CFAP96: variants seen among roughly 807,000 people sequenced by gnomAD.
CFAP96 encodes the protein cilia and flagella associated protein 96, also known as cilia-and flagella-associated protein 96.
the CFAP96 span, among the ~76,000 whole-genome samples, chr4:185,448,623 G>T: frequency 6.6e-6 from 1 of 152,148 alleles, no homozygotes; most frequent in African/African-American, 2.4e-5. Context: ...GGGCTAGTTG[G>T]TAAAGTTGGT....
chr4:185,443,342 A>ATATATATTTTTTTTTTTTT, the CFAP96 span, among the ~76,000 whole-genome samples: 3 of 26,726 alleles, frequency 1.1e-4, no homozygotes, highest in East Asian at 1.5e-3. Flanking sequence ...ATATATATAT[A>ATATATATTTTTTTTTTTTT]TTTTTTTTTT....
chr4:185,439,924 G>C, the CFAP96 span, among the ~76,000 whole-genome samples: 2 of 142,176 alleles, frequency 1.4e-5, no homozygotes, highest in African/African-American at 2.6e-5. Context: ...TCATATATAT[G>C]ATATATATAC....
the CFAP96 span, among the ~76,000 whole-genome samples, chr4:185,425,041 T>A: frequency 1.3e-5 from 2 of 152,208 alleles, no homozygotes; most frequent in African/African-American, 4.8e-5. Flanking sequence ...CTTAGGTGAC[T>A]ACCCCAGATG....
the CFAP96 span, among the ~76,000 whole-genome samples, chr4:185,419,110 A>C: frequency 3.9e-5 from 6 of 152,016 alleles, no homozygotes; most frequent in African/African-American, 1.2e-4. Flanking sequence ...TCTAATTGAA[A>C]ATTTTCTGAT....
At chr4:185,438,529 T>C in the CFAP96 span, among the ~76,000 whole-genome samples, 1 of 152,184 alleles carries the variant, frequency 6.6e-6, no homozygotes, top group East Asian at 1.9e-4. Context: ...AACATCTATA[T>C]TAGTTCTTGG....
chr4:185,417,198 T>C, the CFAP96 span, among the ~76,000 whole-genome samples: 1 of 152,192 alleles, frequency 6.6e-6, no homozygotes, highest in Non-Finnish European at 1.5e-5. Context: ...CAATAGTGCA[T>C]GACCTAACTC....
the CFAP96 span, among the ~76,000 whole-genome samples, chr4:185,433,310 T>C: frequency 6.8e-6 from 1 of 146,856 alleles, no homozygotes; most frequent in Non-Finnish European, 1.5e-5. Flanking sequence ...CAGGAGAATC[T>C]CGCTTTAACT....
chr4:185,434,462 C>T, the CFAP96 span, among the ~76,000 whole-genome samples: 1,407 of 151,980 alleles, frequency 9.3e-3, 21 homozygotes, highest in African/African-American at 0.032. Context: ...TTTCTCCTGC[C>T]TGTGATAAAC....
At chr4:185,428,353 C>A in the CFAP96 span, among the ~76,000 whole-genome samples, 1 of 151,976 alleles carries the variant, frequency 6.6e-6, no homozygotes, top group African/African-American at 2.4e-5. Context: ...GTGGGTGGAT[C>A]ACTTGAGGCC....
At chr4:185,441,514 A>C in the CFAP96 span, among the ~76,000 whole-genome samples, 1 of 152,020 alleles carries the variant, frequency 6.6e-6, no homozygotes, top group South Asian at 2.1e-4. Context: ...GATTGGATGT[A>C]GTCAGATTTA....
the CFAP96 span, among the ~76,000 whole-genome samples, chr4:185,417,661 G>A: frequency 2.0e-5 from 3 of 152,056 alleles, no homozygotes; most frequent in Non-Finnish European, 2.9e-5. Context: ...ATACAACTTC[G>A]TGCCTTGAAG....
chr4:185,443,917 CTTTCTTTTTTTTTTTTTT>C, the CFAP96 span, among the ~76,000 whole-genome samples: 6 of 99,656 alleles, frequency 6.0e-5, no homozygotes, highest in South Asian at 3.2e-4. Flanking sequence ...ATAACTATAT[CTTTCTTTTTTTTTTTTTT>C]TTTTTTTTTT....
chr4:185,437,243 C>A, the CFAP96 span, among the ~76,000 whole-genome samples: 2 of 152,162 alleles, frequency 1.3e-5, no homozygotes, highest in South Asian at 4.1e-4. Context: ...AATGTGCTAG[C>A]ATATGCCTCT....
chr4:185,448,227 G>C, the CFAP96 span, among the ~76,000 whole-genome samples: 232 of 152,162 alleles, frequency 1.5e-3, 1 homozygote, highest in African/African-American at 5.4e-3. Flanking sequence ...TGCCGTGTTG[G>C]TCAGGCTGGT....
chr4:185,434,021 C>A, the CFAP96 span, among the ~76,000 whole-genome samples: 1 of 152,122 alleles, frequency 6.6e-6, no homozygotes, highest in East Asian at 1.9e-4. Flanking sequence ...GAGTTTGTGA[C>A]CAGTCTGGAC....
the CFAP96 span, among the ~76,000 whole-genome samples, chr4:185,429,670 T>C: frequency 6.6e-6 from 1 of 152,212 alleles, no homozygotes; most frequent in Non-Finnish European, 1.5e-5. Context: ...AGTTAAGCGA[T>C]ATCATTTATT....
At chr4:185,440,040 A>C in the CFAP96 span, among the ~76,000 whole-genome samples, 1 of 149,080 alleles carries the variant, frequency 6.7e-6, no homozygotes, top group African/African-American at 2.5e-5. Flanking sequence ...TAATTTTTTT[A>C]ATTATAAAAA....
the CFAP96 span, chr4:185,436,299 C>T: frequency 6.4e-6 from 10 of 1,550,792 alleles, no homozygotes; most frequent in East Asian, 1.7e-4. Flanking sequence ...CAAATATTAC[C>T]ATAGGTAAAC....
chr4:185,425,968 G>C, the CFAP96 span: 2 of 1,420,612 alleles, frequency 1.4e-6, no homozygotes, highest in African/African-American at 2.8e-5. Flanking sequence ...GCGGGGCCCG[G>C]GCGGACCAAC....
Sources: allele counts gnomAD v4.1 joint callset (sites outside exome capture counted in the v4.1 genomes callset), GRCh38; gene constraint gnomAD v4.1.1; transcripts MANE v1.5; gene names NCBI Gene and HGNC (gene_info 2026-07-23, HGNC 2026-07-21).